The following SP1 variants were observed in gnomAD, a reference collection of about 807,000 sequenced individuals.
SP1 encodes the protein Sp1 transcription factor.
Under a neutral mutation model 66.3 loss-of-function variants are expected in SP1, and 6 were observed. The observed-to-expected ratio is 0.09, with a 90% CI of 0.05 to 0.18. SP1 has a LOEUF of 0.18. SP1 is among the 10% of genes least tolerant of loss of function. The pLI, the probability that SP1 is intolerant of heterozygous loss-of-function variation, is 1.00. For missense variants in SP1, 848 were observed against 964.5 expected (o/e 0.88, Z 1.60); for synonymous variants, 417 against 360.8 (o/e 1.16, Z -1.77).
chr12:53,389,235 T>C (rs1345593853), intron 3 of SP1, among the ~76,000 whole-genome samples: 1 of 150,568 alleles, frequency 6.6e-6, no homozygotes, highest in Non-Finnish European at 1.5e-5. Context: ...TTTTTTTTTT[T>C]TGGGAGACGG....
chr12:53,404,705 T>C (rs1251975306), intron 3 of SP1, among the ~76,000 whole-genome samples: 2 of 152,146 alleles, frequency 1.3e-5, no homozygotes, highest in African/African-American at 4.8e-5. Context: ...TCTTGTTCTG[T>C]TGGCCAGGCT....
chr12:53,382,484 C>T lies in SP1; in HGVS notation c.537C>T (p.Phe179=), dbSNP rs137863838. The T allele has an allele frequency of 2.2e-5, 36 of 1,614,156 alleles. No homozygotes were observed. The highest frequency in any genetic ancestry group is 2.2e-4 in the Admixed American group (13 of 59,992). ...TTCAGTATCAAGTAATCCCACAGTT[C>T]CAGACCGTTGATGGGCAACAGCTGC... The part of the protein sequence containing the change: ...PNIQYQVIPQ[F]QTVDGQQLQF... The change falls in exon 3 of 6, where the codon TTC becomes TTT. Residue 179 remains phenylalanine (F), a synonymous_variant. Transcript: ENST00000327443.
intron 3 of SP1, among the ~76,000 whole-genome samples, chr12:53,391,955 G>GA (rs911085051): frequency 2.6e-5 from 4 of 151,960 alleles, no homozygotes; most frequent in African/African-American, 9.7e-5. Flanking sequence ...TGGCTATCCT[G>GA]AAAAACGTTT....
intron 3 of SP1, 81 bp from the exon 4 acceptor site, chr12:53,406,504 G>A: frequency 8.5e-7 from 1 of 1,176,732 alleles, no homozygotes. Context: ...AAGAAATGAT[G>A]TTGTGACTGT....
intron 5 of SP1, 89 bp downstream of exon 5, chr12:53,409,650 C>A: frequency 9.0e-7 from 1 of 1,112,302 alleles, no homozygotes. Context: ...AATTTCTGAG[C>A]AACTTAATTT....
chr12:53,394,486 GC>G (rs67400878), intron 3 of SP1, among the ~76,000 whole-genome samples: 26,713 of 144,692 alleles, frequency 0.18, 2,563 homozygotes, highest in African/African-American at 0.21. Flanking sequence ...GCCTACTGCA[GC>G]CCTTGACCTC....
chr12:53,391,346 C>CTTTTTTTTTTT (rs71068117), intron 3 of SP1, among the ~76,000 whole-genome samples: 6 of 97,460 alleles, frequency 6.2e-5, no homozygotes, highest in Non-Finnish European at 7.8e-5. Flanking sequence ...TAAGTAATGT[C>CTTTTTTTTTTT]TTTTTTTTTT....
At chr12:53,401,044 C>T (rs1421506508) in intron 3 of SP1, among the ~76,000 whole-genome samples, 2 of 151,976 alleles carry the variant, frequency 1.3e-5, no homozygotes, top group Non-Finnish European at 2.9e-5. Context: ...GCTGGGATTG[C>T]AGGCATGAGC....
At chr12:53,408,206 G>A (rs1349458076) in intron 4 of SP1, among the ~76,000 whole-genome samples, 6 of 134,958 alleles carry the variant, frequency 4.4e-5, no homozygotes, top group African/African-American at 1.1e-4. Context: ...AGATCGTGCC[G>A]TTACACTCTA....
At chr12:53,409,329 A>C in intron 4 of SP1, 33 bp from the exon 5 acceptor site, 1 of 1,581,360 alleles carries the variant, frequency 6.3e-7, no homozygotes, top group Non-Finnish European at 8.7e-7. Flanking sequence ...TTTCTCTAGA[A>C]TGAATGATTA....
chr12:53,380,578 A>T, intron 1 of SP1: 1 of 864,976 alleles, frequency 1.2e-6, no homozygotes, highest in Non-Finnish European at 1.4e-6. Context: ...ACCCCCCACT[A>T]CTCGGCCGCC....
At chr12:53,395,645 C>G (rs1451858050) in intron 3 of SP1, among the ~76,000 whole-genome samples, 1 of 152,086 alleles carries the variant, frequency 6.6e-6, no homozygotes, top group East Asian at 1.9e-4. Flanking sequence ...TGCCAATGCC[C>G]TAGCTTCTTG....
Position 53,413,773 on chromosome 12 carries a change from T to C in SP1, c.*2533T>C, listed in dbSNP as rs1420526149. 6.6e-6 allele frequency: 1 copy of C among 152,404 alleles called. No individual in the cohort carries two copies. Among genetic ancestry groups the C allele is most frequent in the East Asian group, 1.9e-4 (1 of 5,208 alleles). 9.4% of individuals were successfully genotyped at this position (152,404 alleles called of 1,614,324 possible). ...TTTCAAGGAATGGAATCTTCTCCAG[T>C]ATGAAATTACCAGATATAAAATAAT... On this transcript the variant is annotated 3_prime_UTR_variant, in exon 6 of 6. Coordinates refer to ENST00000327443, the MANE Select transcript of SP1 (RefSeq NM_138473.3).
At chr12:53,380,803 G>A (rs1455042573) in intron 1 of SP1, 1 of 260,630 alleles carries the variant, frequency 3.8e-6, no homozygotes, top group Non-Finnish European at 5.9e-6. Flanking sequence ...TTCCCTCAGG[G>A]CCCGCCCTCC....
chr12:53,411,325 G>T lies in SP1; in HGVS notation c.*85G>T. ...TAGCATGGGTCCAAGAGACATGGAA[G>T]AGAGAGCCATGAAGCATTAAAATGC... On this transcript the variant is annotated 3_prime_UTR_variant, in exon 6 of 6. Coordinates refer to ENST00000327443, the MANE Select transcript of SP1 (RefSeq NM_138473.3). 1 of 1,113,828 alleles carries T rather than the reference G, an allele frequency of 9.0e-7. No homozygotes were observed. Among genetic ancestry groups the T allele is most frequent in the African/African-American group, 1.6e-5 (1 of 64,350 alleles). 69.0% of individuals were successfully genotyped at this position (1,113,828 alleles called of 1,614,324 possible).
At position 53,412,932 on chromosome 12, in the gene SP1, G is replaced by A. The variant is rs1439825295; in HGVS notation, c.*1692G>A. Reference sequence around the variant, plus strand: ...TGAGGAAGTGTGGAAAAATAGCTCTGTGTGTGTGTGTGTGTGTGTGTGTGT... The same window carrying A: ...TGAGGAAGTGTGGAAAAATAGCTCTATGTGTGTGTGTGTGTGTGTGTGTGT... On this transcript the variant is annotated 3_prime_UTR_variant, in exon 6 of 6. Coordinates refer to ENST00000327443, the MANE Select transcript of SP1 (RefSeq NM_138473.3). 7.3e-5 allele frequency: 2 copies of A among 27,564 alleles called. No homozygotes were observed. Among genetic ancestry groups the A allele is most frequent in the Non-Finnish European group, 1.4e-4 (2 of 14,482 alleles). The allele number at this position is 27,564 out of a possible 1,614,324, so 1.7% of individuals were successfully genotyped here.
intron 3 of SP1, among the ~76,000 whole-genome samples, chr12:53,394,451 C>T (rs1388510435): frequency 1.5e-5 from 2 of 134,236 alleles, no homozygotes; most frequent in East Asian, 2.2e-4. Flanking sequence ...TGCTCTGGTG[C>T]CCAGAGTGCT....
chr12:53,394,837 A>G (rs571964888), intron 3 of SP1, among the ~76,000 whole-genome samples: 1 of 150,846 alleles, frequency 6.6e-6, no homozygotes, highest in African/African-American at 2.4e-5. Flanking sequence ...GATGATCTCA[A>G]TCTCCTGACC....
At chr12:53,398,506 C>G (rs1938539223) in intron 3 of SP1, among the ~76,000 whole-genome samples, 1 of 152,220 alleles carries the variant, frequency 6.6e-6, no homozygotes, top group African/African-American at 2.4e-5. Context: ...TTGTCTCAAA[C>G]TTGTGACCTC....
Sources: allele counts gnomAD v4.1 joint callset (sites outside exome capture counted in the v4.1 genomes callset), GRCh38; gene constraint gnomAD v4.1.1; transcripts MANE v1.5; gene names NCBI Gene and HGNC (gene_info 2026-07-23, HGNC 2026-07-21).